The following TUSC3 variants were observed in gnomAD, a reference collection of about 807,000 sequenced individuals.
The protein encoded by TUSC3 is tumor suppressor candidate 3.
A neutral mutation model predicts 44.8 loss-of-function variants in TUSC3; 45 were observed. That is an observed-to-expected ratio of 1.00 (90% CI 0.79 to 1.29). TUSC3 has a LOEUF of 1.29. TUSC3 is among the 50% of genes most tolerant of loss of function. TUSC3 has a pLI of 0.00. For synonymous variants in TUSC3, 212 were observed against 152.9 expected (o/e 1.39, Z -2.85); for missense variants, 519 against 437.9 (o/e 1.19, Z -1.65).
intron 2 of TUSC3, among the ~76,000 whole-genome samples, chr8:15,634,457 CTGAGAGAAACA>C (rs1211555474): frequency 6.6e-6 from 1 of 152,160 alleles, no homozygotes; most frequent in Non-Finnish European, 1.5e-5. Context: ...AGGAGTGGGG[CTGAGAGAAACA>C]TGAGAGAAAG....
At chr8:15,709,998 C>T (rs571589978) in intron 6 of TUSC3, among the ~76,000 whole-genome samples, 2 of 151,942 alleles carry the variant, frequency 1.3e-5, no homozygotes, top group East Asian at 1.9e-4. Flanking sequence ...TATTTCTCCC[C>T]TATTCCAGGA....
Position 15,765,986 on chromosome 8 carries a change from T to C in TUSC3, c.*1830T>C, listed in dbSNP as rs1290491643. Reference sequence around the variant, plus strand: ...GCTGATTAAATGATATTACAAATTATCTCTAATCTCACTGTAAATCTTTTA... The same window carrying C: ...GCTGATTAAATGATATTACAAATTACCTCTAATCTCACTGTAAATCTTTTA... On this transcript the variant is annotated 3_prime_UTR_variant, in exon 11 of 11. Coordinates refer to ENST00000503731, the MANE Select transcript of TUSC3 (RefSeq NM_006765.4). 1.3e-5 allele frequency: 2 copies of C among 152,096 alleles called. No individual in the cohort carries two copies. The highest frequency in any genetic ancestry group is 4.8e-5 in the African/African-American group (2 of 41,436). The allele number at this position is 152,096 out of a possible 1,614,324, so 9.4% of individuals were successfully genotyped here. A position where few individuals can be genotyped will look rare whatever the true frequency, so the allele number is the denominator to read the frequency against.
At position 15,765,529 on chromosome 8, in the gene TUSC3, T is replaced by C. The variant is rs1585317705; in HGVS notation, c.*1373T>C. ...TGAATTTCAATGAAGAATGGGAATA[T>C]AAAGGCCTACTGGGGCATGTTTATC... On this transcript the variant is annotated 3_prime_UTR_variant, in exon 11 of 11. Coordinates refer to ENST00000503731, the MANE Select transcript of TUSC3 (RefSeq NM_006765.4). 1 of 152,078 alleles carries C rather than the reference T, an allele frequency of 6.6e-6. No homozygotes were observed. The highest frequency in any genetic ancestry group is 1.9e-4 in the East Asian group (1 of 5,172). The allele number at this position is 152,078 out of a possible 1,614,324, so 9.4% of individuals were successfully genotyped here.
chr8:15,541,330 G>A (rs955023041), intron 1 of TUSC3, among the ~76,000 whole-genome samples: 5 of 152,198 alleles, frequency 3.3e-5, no homozygotes, highest in African/African-American at 1.2e-4. Context: ...ATCCATCATG[G>A]ATAGTTGATC....
chr8:15,763,911 G>T (rs1029135870), intron 10 of TUSC3, among the ~76,000 whole-genome samples: 2 of 151,932 alleles, frequency 1.3e-5, no homozygotes, highest in African/African-American at 2.4e-5. Context: ...TTTAAATGCT[G>T]ATTTAACTGC....
At chr8:15,657,479 C>G (rs933305074) in intron 3 of TUSC3, among the ~76,000 whole-genome samples, 3 of 152,028 alleles carry the variant, frequency 2.0e-5, no homozygotes, top group African/African-American at 7.2e-5. Flanking sequence ...GTCTTTTTTT[C>G]CAGATTTCAA....
intron 2 of TUSC3, among the ~76,000 whole-genome samples, chr8:15,514,847 A>T (rs147107621): frequency 1.3e-5 from 2 of 152,302 alleles, no homozygotes; most frequent in East Asian, 1.9e-4. Flanking sequence ...GATTGATTTC[A>T]ACTCTCTCAG....
chr8:15,450,101 A>G (rs1041562204), intron 1 of TUSC3, among the ~76,000 whole-genome samples: 2 of 152,214 alleles, frequency 1.3e-5, no homozygotes, highest in African/African-American at 4.8e-5. Context: ...TGAGTGACAC[A>G]TGACGACTGT....
intron 1 of TUSC3, among the ~76,000 whole-genome samples, chr8:15,595,831 A>T (rs1804045079): frequency 6.6e-6 from 1 of 152,146 alleles, no homozygotes; most frequent in South Asian, 2.1e-4. Flanking sequence ...ACTTAAGATA[A>T]TTTTTTGTCT....
At chr8:15,821,174 T>A in the TUSC3 span, among the ~76,000 whole-genome samples, 1 of 152,194 alleles carries the variant, frequency 6.6e-6, no homozygotes, top group African/African-American at 2.4e-5. Flanking sequence ...TAATTCTGGG[T>A]TGACAGTTAT....
chr8:15,795,306 G>A, the TUSC3 span, among the ~76,000 whole-genome samples: 1 of 152,130 alleles, frequency 6.6e-6, no homozygotes, highest in Non-Finnish European at 1.5e-5. Flanking sequence ...TAGGACAATT[G>A]TATAATCCAT....
At chr8:15,606,041 A>G (rs908583836) in intron 1 of TUSC3, among the ~76,000 whole-genome samples, 4 of 151,956 alleles carry the variant, frequency 2.6e-5, no homozygotes, top group African/African-American at 9.7e-5. Context: ...TGTTTAATGT[A>G]ATAGTGTAAA....
chr8:15,531,558 T>A (rs1585078069), intron 2 of TUSC3, among the ~76,000 whole-genome samples: 1 of 152,316 alleles, frequency 6.6e-6, no homozygotes, highest in Admixed American at 6.5e-5. Flanking sequence ...AGCCTAAAGC[T>A]TTTTAATAAA....
intron 9 of TUSC3, among the ~76,000 whole-genome samples, chr8:15,753,093 G>A (rs1271728204): frequency 2.0e-5 from 3 of 151,902 alleles, no homozygotes; most frequent in Admixed American, 6.6e-5. Context: ...AGTTTACATA[G>A]ATGTGATTCC....
chr8:15,700,835 G>A (rs1314859857), intron 6 of TUSC3, among the ~76,000 whole-genome samples: 1 of 143,700 alleles, frequency 7.0e-6, no homozygotes, highest in East Asian at 2.1e-4. Flanking sequence ...TTTCACTAGA[G>A]GGAATGGCTG....
chr8:15,543,264 G>C (rs978784500), intron 1 of TUSC3, among the ~76,000 whole-genome samples: 1 of 152,176 alleles, frequency 6.6e-6, no homozygotes, highest in East Asian at 1.9e-4. Context: ...ATATGTACCA[G>C]AGTAGTTGAT....
chr8:15,712,539 T>G (rs1306481217), intron 6 of TUSC3, among the ~76,000 whole-genome samples: 1 of 152,064 alleles, frequency 6.6e-6, no homozygotes, highest in Non-Finnish European at 1.5e-5. Flanking sequence ...TGTTCCTATT[T>G]CCATCACCCC....
intron 8 of TUSC3, 33 bp from the exon 9 acceptor site, chr8:15,748,342 T>C: frequency 6.7e-7 from 1 of 1,499,842 alleles, no homozygotes; most frequent in African/African-American, 1.4e-5. Context: ...TGCATATTTT[T>C]AGACACTAAT....
intron 1 of TUSC3, among the ~76,000 whole-genome samples, chr8:15,428,121 C>A (rs896349937): frequency 3.1e-5 from 3 of 97,262 alleles, no homozygotes; most frequent in South Asian, 4.6e-4. Context: ...CCGCCCCCCT[C>A]CCCCCACCCC....
Sources: gnomAD v4.1 joint callset for allele counts (sites outside exome capture counted in the v4.1 genomes callset) on GRCh38, gnomAD v4.1.1 for gene constraint, MANE v1.5 for transcripts, NCBI Gene and HGNC (gene_info 2026-07-23, HGNC 2026-07-21) for gene names.